The following PDE1C variants were observed in gnomAD, a reference collection of about 807,000 sequenced individuals.
PDE1C encodes the protein phosphodiesterase 1C.
Under a neutral mutation model 93.1 loss-of-function variants are expected in PDE1C, and 62 were observed. The observed-to-expected ratio is 0.67, with a 90% CI of 0.54 to 0.82. The LOEUF is 0.82. Ranked by LOEUF, PDE1C falls within the 40% of genes least tolerant of loss-of-function variation. The probability of loss-of-function intolerance (pLI) is 0.00; values close to 1 mark genes in which losing one functional copy is unlikely to be tolerated. For synonymous variants in PDE1C, 325 were observed against 310.1 expected, an observed-to-expected ratio of 1.05 and a Z score of -0.50; for missense variants, 742 against 884.6, an observed-to-expected ratio of 0.84 and a Z score of 2.04.
At chr7:31,931,686 G>T (rs1391937169) in intron 2 of PDE1C, among the ~76,000 whole-genome samples, 5 of 152,120 alleles carry the variant, frequency 3.3e-5, no homozygotes, top group African/African-American at 1.2e-4. Flanking sequence ...TAGATTCAAT[G>T]CTATTCCCAT....
At chr7:31,658,446 A>G in the PDE1C span, 1 of 1,385,478 alleles carries the variant, frequency 7.2e-7, no homozygotes, top group Non-Finnish European at 9.4e-7. Context: ...CACATGTCGA[A>G]CAAAATAGAA....
At chr7:31,673,712 G>GT in the PDE1C span, among the ~76,000 whole-genome samples, 48 of 148,932 alleles carry the variant, frequency 3.2e-4, no homozygotes, top group Middle Eastern at 3.5e-3. Context: ...GTAGAAACTA[G>GT]TTTTTTTTTT....
chr7:32,069,051 G>A (rs1484640435), intron 1 of PDE1C, among the ~76,000 whole-genome samples: 1 of 152,128 alleles, frequency 6.6e-6, no homozygotes, highest in East Asian at 1.9e-4. Context: ...CTCCACTAGC[G>A]GTGGCTAGAC....
chr7:31,841,277 A>G (rs1357606244), intron 9 of PDE1C, among the ~76,000 whole-genome samples: 3 of 150,786 alleles, frequency 2.0e-5, no homozygotes. Flanking sequence ...GTGTATATAT[A>G]ATGTTTTTTA....
At chr7:31,910,240 A>G (rs1801065093) in intron 2 of PDE1C, among the ~76,000 whole-genome samples, 1 of 152,114 alleles carries the variant, frequency 6.6e-6, no homozygotes, top group Admixed American at 6.6e-5. Context: ...CTCTTCTCTT[A>G]CTGCCCTCTC....
At chr7:32,210,551 A>G (rs1485947016) in intron 1 of PDE1C, among the ~76,000 whole-genome samples, 2 of 152,206 alleles carry the variant, frequency 1.3e-5, no homozygotes, top group African/African-American at 2.4e-5. Flanking sequence ...AAGTCGAAAA[A>G]TTTATTCCAC....
At chr7:32,107,460 G>A (rs921596139) in intron 3 of PDE1C, among the ~76,000 whole-genome samples, 38 of 152,072 alleles carry the variant, frequency 2.5e-4, no homozygotes, top group African/African-American at 8.5e-4. Flanking sequence ...CAGAAGCCCT[G>A]TAAGCAAGAA....
intron 1 of PDE1C, among the ~76,000 whole-genome samples, chr7:32,407,126 T>A (rs1448543983): frequency 6.6e-6 from 1 of 151,650 alleles, no homozygotes; most frequent in African/African-American, 2.4e-5. Flanking sequence ...ATGCAAAAAA[T>A]TATCGGGGTG....
intron 2 of PDE1C, among the ~76,000 whole-genome samples, chr7:32,178,637 T>G (rs142463587): frequency 6.6e-6 from 1 of 152,186 alleles, no homozygotes; most frequent in Non-Finnish European, 1.5e-5. Context: ...TTCAACCCAC[T>G]CCATCTCATC....
chr7:32,079,444 C>A (rs1796534274), intron 3 of PDE1C, among the ~76,000 whole-genome samples: 1 of 152,206 alleles, frequency 6.6e-6, no homozygotes, highest in Admixed American at 6.5e-5. Context: ...TGCTGTGTAA[C>A]AAACTATCCT....
the PDE1C span, among the ~76,000 whole-genome samples, chr7:31,687,586 GT>G: frequency 6.6e-6 from 1 of 152,160 alleles, no homozygotes; most frequent in African/African-American, 2.4e-5. Context: ...GGATAGAGAG[GT>G]TTATCTTCCA....
At position 31,837,317 on chromosome 7, in the gene PDE1C, C is replaced by T; in HGVS notation, c.1083-17G>A. 1 of 1,595,392 alleles carries T rather than the reference C, an allele frequency of 6.3e-7. No homozygotes were observed. The highest frequency in any genetic ancestry group is 1.7e-5 in the Admixed American group (1 of 58,046). On this transcript the variant is annotated splice_polypyrimidine_tract_variant and intron_variant, in intron 10 of 17. Coordinates refer to ENST00000396191, the MANE Select transcript of PDE1C (RefSeq NM_001191057.4). ...TTTTCAATGCTGTAAACCAAAAGCA[C>T]CCAAACACATGATAACCACACTCTT...
chr7:32,376,631 A>G (rs954276728), intron 1 of PDE1C, among the ~76,000 whole-genome samples: 3 of 152,160 alleles, frequency 2.0e-5, no homozygotes, highest in Non-Finnish European at 4.4e-5. Flanking sequence ...GGACTAAATC[A>G]GCATTTGCTC....
At chr7:32,420,114 TATATATATATACACACACACACACACAC>T (rs778913767) in intron 1 of PDE1C, among the ~76,000 whole-genome samples, 8 of 27,278 alleles carry the variant, frequency 2.9e-4, no homozygotes, top group Admixed American at 6.6e-4. Context: ...TATATATATA[TATATATATATACACACACACACACACAC>T]ACACACACAC....
intron 2 of PDE1C, among the ~76,000 whole-genome samples, chr7:32,005,990 T>C (rs1030500033): frequency 6.6e-6 from 1 of 152,242 alleles, no homozygotes; most frequent in Non-Finnish European, 1.5e-5. Context: ...AAAAATATTT[T>C]TTTCAAGAGT....
At chr7:31,776,349 G>A (rs1486344122) in intron 16 of PDE1C, among the ~76,000 whole-genome samples, 1 of 152,184 alleles carries the variant, frequency 6.6e-6, no homozygotes, top group African/African-American at 2.4e-5. Context: ...CAGTGCTCAG[G>A]AACAATGGGA....
At chr7:31,791,481 C>T (rs1030559572) in intron 16 of PDE1C, among the ~76,000 whole-genome samples, 4 of 152,054 alleles carry the variant, frequency 2.6e-5, no homozygotes, top group African/African-American at 9.7e-5. Flanking sequence ...CAGTTTGGTC[C>T]ACATGGAATT....
chr7:31,966,951 T>C (rs904723588), intron 2 of PDE1C, among the ~76,000 whole-genome samples: 2 of 152,080 alleles, frequency 1.3e-5, no homozygotes, highest in Admixed American at 1.3e-4. Flanking sequence ...CTGGGACACA[T>C]TCAAAGCAGT....
At chr7:32,090,181 A>ACT (rs774120686) in intron 3 of PDE1C, among the ~76,000 whole-genome samples, 1 of 78,836 alleles carries the variant, frequency 1.3e-5, no homozygotes, top group Non-Finnish European at 2.7e-5. Context: ...TAATAACATA[A>ACT]ATAAAAAAAT....
Sources: gnomAD v4.1 joint callset for allele counts (sites outside exome capture counted in the v4.1 genomes callset) on GRCh38, gnomAD v4.1.1 for gene constraint, MANE v1.5 for transcripts, NCBI Gene and HGNC (gene_info 2026-07-23, HGNC 2026-07-21) for gene names.